Variants in DPP10 observed in about 807,000 individuals in gnomAD.
The protein encoded by DPP10 is dipeptidyl peptidase like 10, also known as inactive dipeptidyl peptidase 10.
DPP10 carries 33 observed loss-of-function variants against 120.9 expected under a neutral mutation model. The ratio of observed to expected loss-of-function variants is 0.27; its 90% CI spans 0.21 to 0.37. The LOEUF is 0.37. Among genes scored for constraint, DPP10 ranks in the 10% least tolerant of loss-of-function variants. The pLI is 1.00. For missense variants in DPP10, 816 were observed against 942.8 expected (o/e 0.87, Z 1.76); for synonymous variants, 337 against 326.1 (o/e 1.03, Z -0.36).
intron 1 of DPP10, among the ~76,000 whole-genome samples, chr2:115,046,892 A>T (rs6542241): frequency 1.3e-5 from 2 of 151,934 alleles, no homozygotes; most frequent in Non-Finnish European, 2.9e-5. Flanking sequence ...AATCAGAATT[A>T]CCATTTCCTA....
chr2:115,628,860 C>A (rs1246158192), intron 5 of DPP10, among the ~76,000 whole-genome samples: 4 of 151,820 alleles, frequency 2.6e-5, no homozygotes, highest in Admixed American at 2.0e-4. Context: ...TACATGTGCA[C>A]AACGTGCAGG....
chr2:115,735,283 A>T lies in DPP10; in HGVS notation c.698-4456A>T, dbSNP rs555600986. Reference sequence around the variant, plus strand: ...CAGGATGGTATTAGTCCTGTTATATATCTGAAATCTGTAAACATAGCCACC... The same window carrying T: ...CAGGATGGTATTAGTCCTGTTATATTTCTGAAATCTGTAAACATAGCCACC... On this transcript the variant is annotated intron_variant, in intron 8 of 25. Coordinates refer to ENST00000410059, the MANE Select transcript of DPP10 (RefSeq NM_020868.6). 2.0e-5 allele frequency among the ~76,000 whole-genome samples: 3 copies of T among 152,320 alleles called. No individual in the cohort carries two copies. The East Asian group carries it at 5.8e-4, about 29-fold the overall frequency.
chr2:114,706,633 T>C (rs1258019082), intron 1 of DPP10, among the ~76,000 whole-genome samples: 3 of 152,184 alleles, frequency 2.0e-5, no homozygotes, highest in Non-Finnish European at 2.9e-5. Flanking sequence ...TAGAACCACA[T>C]CACCTTGTGA....
At chr2:115,189,545 T>C (rs755774029) in intron 1 of DPP10, among the ~76,000 whole-genome samples, 1 of 152,220 alleles carries the variant, frequency 6.6e-6, no homozygotes, top group Non-Finnish European at 1.5e-5. Flanking sequence ...ACTGACATAC[T>C]GATTCTTTGA....
intron 1 of DPP10, among the ~76,000 whole-genome samples, chr2:114,517,055 T>A (rs1473127706): frequency 6.6e-6 from 1 of 152,228 alleles, no homozygotes; most frequent in East Asian, 1.9e-4. Flanking sequence ...TAGGGTATTC[T>A]GTATCCTTGG....
chr2:115,835,360 T>C (rs13034936), intron 21 of DPP10, among the ~76,000 whole-genome samples: 10,522 of 152,150 alleles, frequency 0.069, 528 homozygotes, highest in Middle Eastern at 0.21. Flanking sequence ...CAAGCAAAGT[T>C]TGTCACGCAT....
chr2:114,802,870 T>C (rs200306079), intron 1 of DPP10, among the ~76,000 whole-genome samples: 2 of 152,344 alleles, frequency 1.3e-5, no homozygotes, highest in East Asian at 3.9e-4. Flanking sequence ...AAGCATCATC[T>C]ATCATGAGTT....
At chr2:115,698,923 A>G (rs1205014335) in intron 7 of DPP10, among the ~76,000 whole-genome samples, 1 of 151,752 alleles carries the variant, frequency 6.6e-6, no homozygotes, top group Admixed American at 6.6e-5. Flanking sequence ...TAGTAGATAT[A>G]AACAAAGTAG....
At chr2:114,773,276 A>G (rs1028430520) in intron 1 of DPP10, among the ~76,000 whole-genome samples, 6 of 152,218 alleles carry the variant, frequency 3.9e-5, no homozygotes, top group Admixed American at 3.9e-4. Flanking sequence ...CTTTTTGTCT[A>G]TCTTAATTGT....
At chr2:115,448,846 T>A (rs1181382035) in intron 3 of DPP10, among the ~76,000 whole-genome samples, 3 of 152,138 alleles carry the variant, frequency 2.0e-5, no homozygotes, top group Non-Finnish European at 4.4e-5. Context: ...GTTCTCCCTA[T>A]CACTTTCTTC....
intron 1 of DPP10, among the ~76,000 whole-genome samples, chr2:115,217,453 G>T (rs1298140283): frequency 6.6e-6 from 1 of 152,050 alleles, no homozygotes; most frequent in Admixed American, 6.6e-5. Context: ...TTAATCATTT[G>T]CTTCATGGCT....
chr2:114,457,793 C>T (rs574319923), intron 1 of DPP10, among the ~76,000 whole-genome samples: 3 of 152,300 alleles, frequency 2.0e-5, no homozygotes, highest in African/African-American at 7.2e-5. Flanking sequence ...AGGAAGGACG[C>T]TCCTGCATTT....
At chr2:114,996,825 A>G (rs1350631655) in intron 1 of DPP10, among the ~76,000 whole-genome samples, 1 of 151,898 alleles carries the variant, frequency 6.6e-6, no homozygotes, top group Non-Finnish European at 1.5e-5. Context: ...CTATAAAAAT[A>G]CAAAAAATTA....
At chr2:115,192,030 A>G (rs903922584) in intron 1 of DPP10, among the ~76,000 whole-genome samples, 2 of 152,180 alleles carry the variant, frequency 1.3e-5, no homozygotes, top group Non-Finnish European at 2.9e-5. Context: ...CAACAGGGTA[A>G]TAGGCCTTTC....
intron 1 of DPP10, among the ~76,000 whole-genome samples, chr2:115,172,543 A>T (rs185655573): frequency 6.6e-6 from 1 of 152,278 alleles, no homozygotes; most frequent in African/African-American, 2.4e-5. Flanking sequence ...TTTTTAGTGG[A>T]TAGACCCAGG....
At chr2:114,872,029 C>T (rs888540736) in intron 1 of DPP10, among the ~76,000 whole-genome samples, 1 of 152,158 alleles carries the variant, frequency 6.6e-6, no homozygotes. Context: ...GGAATGGCTG[C>T]AAATACAGAT....
intron 1 of DPP10, among the ~76,000 whole-genome samples, chr2:114,963,978 G>A (rs1322837991): frequency 6.6e-6 from 1 of 152,170 alleles, no homozygotes; most frequent in East Asian, 1.9e-4. Flanking sequence ...CATGGGGATA[G>A]AAGGAGTTCT....
At chr2:114,898,123 A>G (rs1693200461) in intron 1 of DPP10, among the ~76,000 whole-genome samples, 1 of 152,240 alleles carries the variant, frequency 6.6e-6, no homozygotes, top group Non-Finnish European at 1.5e-5. Flanking sequence ...GATAGACTGG[A>G]TTAAGAAAAT....
At chr2:115,374,980 T>A (rs1375265813) in intron 3 of DPP10, among the ~76,000 whole-genome samples, 1 of 151,878 alleles carries the variant, frequency 6.6e-6, no homozygotes, top group Non-Finnish European at 1.5e-5. Context: ...GAAGACATTT[T>A]TCTCCATTGT....
Sources: gnomAD v4.1 joint callset for allele counts (sites outside exome capture counted in the v4.1 genomes callset) on GRCh38, gnomAD v4.1.1 for gene constraint, MANE v1.5 for transcripts, NCBI Gene and HGNC (gene_info 2026-07-23, HGNC 2026-07-21) for gene names.